Variants in IL18R1 observed in about 807,000 individuals in gnomAD.
IL18R1 encodes the protein interleukin 18 receptor 1.
A neutral mutation model predicts 48.5 loss-of-function variants in IL18R1; 40 were observed. That is an observed-to-expected ratio of 0.82 (90% CI 0.64 to 1.07). The LOEUF (loss-of-function observed/expected upper bound fraction) is 1.07, where lower values mean the gene tolerates loss of function less well. IL18R1 is among the 50% of genes least tolerant of loss of function. IL18R1 has a pLI of 0.00. For missense variants in IL18R1, 596 were observed against 633.7 expected (o/e 0.94, Z 0.64); for synonymous variants, 232 against 225.9 (o/e 1.03, Z -0.24).
rs542417063 is a variant in IL18R1 at position 102,377,410 on chromosome 2, G to A, written c.625+1347G>A. ...GCTCACTGCAAGCTCCGCCTCCTGG[G>A]TTCACACCATTCTCCTGCCTCAGCC... On this transcript the variant is annotated intron_variant, in intron 5 of 10. Transcript: ENST00000233957. Among the ~76,000 whole-genome samples, 7 of 152,304 alleles carry A rather than the reference G, an allele frequency of 4.6e-5. No individual in the cohort carries two copies. The East Asian group carries it at 1.4e-3, about 29-fold the overall frequency.
intron 7 of IL18R1, 70 bp from the exon 8 acceptor site, chr2:102,386,791 T>C (rs773829711): frequency 6.7e-7 from 1 of 1,499,502 alleles, no homozygotes; most frequent in Non-Finnish European, 9.2e-7. Flanking sequence ...TCAAGCATTT[T>C]AAACATGTGA....
At chr2:102,372,594 C>T (rs1247295551) in intron 4 of IL18R1, among the ~76,000 whole-genome samples, 1 of 109,162 alleles carries the variant, frequency 9.2e-6, no homozygotes, top group Non-Finnish European at 1.9e-5. Context: ...ATAAATCCAT[C>T]ACAGACTTTT....
intron 10 of IL18R1, 112 bp from the exon 11 acceptor site, chr2:102,396,419 C>T (rs937983804): frequency 1.6e-5 from 9 of 578,622 alleles, no homozygotes; most frequent in Non-Finnish European, 2.4e-5. Context: ...TAAAGAAAAA[C>T]TTATTAGTGA....
chr2:102,382,613 A>G (rs1162448078), intron 6 of IL18R1, among the ~76,000 whole-genome samples: 1 of 152,214 alleles, frequency 6.6e-6, no homozygotes, highest in African/African-American at 2.4e-5. Context: ...TATGAATTAA[A>G]TAATTGAAGT....
At chr2:102,375,392 G>T (rs534491074) in intron 4 of IL18R1, among the ~76,000 whole-genome samples, 2 of 152,096 alleles carry the variant, frequency 1.3e-5, no homozygotes, top group South Asian at 2.1e-4. Context: ...TAATCAGCTC[G>T]CTGGCTTCTG....
At position 102,398,236 on chromosome 2, in the gene IL18R1, C is replaced by T. The variant is rs1568681; in HGVS notation, c.*1350C>T. Reference sequence around the variant, plus strand: ...TGACGTTGGAAGACACATGTCTTACCCCCCAAAGGGAGCCCAGCACTGGGA... The same window carrying T: ...TGACGTTGGAAGACACATGTCTTACTCCCCAAAGGGAGCCCAGCACTGGGA... On this transcript the variant is annotated 3_prime_UTR_variant, in exon 11 of 11. Transcript: ENST00000233957. 0.77 allele frequency: 117,909 copies of T among 152,244 alleles called. 46,672 individuals are homozygous for T. Among genetic ancestry groups the T allele is most frequent in the African/African-American group, 0.89 (37,141 of 41,526 alleles). The allele number at this position is 152,244 out of a possible 1,614,324, so 9.4% of individuals were successfully genotyped here. A position where few individuals can be genotyped will look rare whatever the true frequency, so the allele number is the denominator to read the frequency against.
chr2:102,376,184 A>G (rs1331293285), intron 5 of IL18R1, 121 bp downstream of exon 5: 1 of 652,062 alleles, frequency 1.5e-6, no homozygotes, highest in Non-Finnish European at 2.4e-6. Context: ...CCACACCACT[A>G]GTTCAAATAT....
rs1333469236 is a variant in IL18R1 at position 102,390,122 on chromosome 2, T to C, written c.1016T>C (p.Val339Ala). ...ATGATCATAGCTGTTTTGATCTTGG[T>C]GGCAGTAGTGTGCCTAGTGACTGTG... The part of the protein sequence containing the change: ...RGMIIAVLIL[V>A]AVVCLVTVCV... The change falls in exon 9 of 11, where the codon GTG becomes GCG. Residue 339 changes from valine (V) to alanine (A), a missense_variant. Val to Ala is a moderately conservative substitution (Grantham distance 64). Around this residue, in one of 3 missense-constraint regions of IL18R1, gnomAD observed 57 missense variants for 88.2 expected, o/e 0.65. Transcript: ENST00000233957. 1.2e-6 allele frequency: 2 copies of C among 1,614,018 alleles called. No individual in the cohort carries two copies. The highest frequency in any genetic ancestry group is 1.7e-6 in the Non-Finnish European group (2 of 1,179,952).
intron 2 of IL18R1, among the ~76,000 whole-genome samples, chr2:102,365,711 G>C (rs1002755091): frequency 6.6e-6 from 1 of 152,150 alleles, no homozygotes. Flanking sequence ...GCAAACTTTT[G>C]CCTGGACATC....
At chr2:102,375,498 A>G (rs1679521567) in intron 4 of IL18R1, among the ~76,000 whole-genome samples, 1 of 152,224 alleles carries the variant, frequency 6.6e-6, no homozygotes, top group African/African-American at 2.4e-5. Context: ...TGCATAGTCC[A>G]GAATACACAA....
intron 5 of IL18R1, among the ~76,000 whole-genome samples, chr2:102,379,226 C>T (rs911473892): frequency 6.6e-6 from 1 of 152,082 alleles, no homozygotes; most frequent in Non-Finnish European, 1.5e-5. Context: ...GATGGATCAC[C>T]TGAGGCCAGG....
At chr2:102,370,440 G>T (rs1288132240) in intron 3 of IL18R1, among the ~76,000 whole-genome samples, 2 of 152,222 alleles carry the variant, frequency 1.3e-5, no homozygotes, top group African/African-American at 4.8e-5. Flanking sequence ...TGAGAAGAAG[G>T]TGCTGCCAAT....
At chr2:102,383,662 T>G (rs760503176) in intron 6 of IL18R1, among the ~76,000 whole-genome samples, 6 of 152,206 alleles carry the variant, frequency 3.9e-5, no homozygotes, top group Non-Finnish European at 7.4e-5. Context: ...CATTTTTTTT[T>G]GTTCTATACA....
chr2:102,372,347 T>C lies in IL18R1; in HGVS notation c.468+229T>C, dbSNP rs562692326. 8.7e-4 allele frequency among the ~76,000 whole-genome samples: 133 copies of C among 152,330 alleles called. 3 individuals carry two copies. In the South Asian group the frequency reaches 0.011, roughly 12 times the overall value. On this transcript the variant is annotated intron_variant, in intron 4 of 10. Transcript: ENST00000233957. The stretch of plus-strand genomic sequence containing the variant: ...TTCCCTGGATTTGGTGTTCAATAAA[T>C]GATCACAGTTTCTTCTCCCACACTC...
At chr2:102,371,467 AC>A (rs912575014) in intron 3 of IL18R1, among the ~76,000 whole-genome samples, 9 of 152,320 alleles carry the variant, frequency 5.9e-5, no homozygotes, top group Middle Eastern at 3.4e-3. Context: ...GGTTTATTCA[AC>A]AGTAAAAGAA....
intron 7 of IL18R1, 27 bp downstream of exon 7, chr2:102,385,025 G>T (rs1430311972): frequency 8.2e-7 from 1 of 1,221,100 alleles, no homozygotes; most frequent in Non-Finnish European, 1.2e-6. Flanking sequence ...TATATGTCAT[G>T]ATATATACCA....
Position 102,372,116 on chromosome 2 carries a change from A to C in IL18R1, c.466A>C (p.Lys156Gln), listed in dbSNP as rs1679302065. The part of the protein sequence containing the change: ...QTLVNSTSLY[K>Q]NCKKLLLENN... The stretch of plus-strand genomic sequence containing the variant: ...ACTGGTCAACAGCACATCATTGTAT[A>C]AGGTAATGCTTTTATAATATTTTAA... The change falls in exon 4 of 11, where the codon AAG (lysine) becomes CAG (glutamine). Residue 156 changes from lysine to glutamine, a missense_variant and splice_region_variant. Physicochemically the swap from Lys to Gln is moderately conservative, Grantham distance 53. Coordinates refer to ENST00000233957, the MANE Select transcript of IL18R1 (RefSeq NM_003855.5). 2 of 1,579,446 alleles carry C rather than the reference A, an allele frequency of 1.3e-6. No individual in the cohort carries two copies.
chr2:102,365,908 G>T (rs1393033631), intron 2 of IL18R1, among the ~76,000 whole-genome samples: 2 of 152,144 alleles, frequency 1.3e-5, no homozygotes, highest in Non-Finnish European at 2.9e-5. Context: ...AGGATGCAGG[G>T]CACCAAATCC....
At chr2:102,371,507 C>T (rs1679258045) in intron 3 of IL18R1, among the ~76,000 whole-genome samples, 1 of 152,150 alleles carries the variant, frequency 6.6e-6, no homozygotes, top group Non-Finnish European at 1.5e-5. Flanking sequence ...CCTTGAGAAA[C>T]AAAACCTAAT....
Sources: gnomAD v4.1 joint callset for allele counts (sites outside exome capture counted in the v4.1 genomes callset) on GRCh38, gnomAD v4.1.1 for gene constraint, gnomAD v4.1.1 regional missense constraint, MANE v1.5 for transcripts, NCBI Gene and HGNC (gene_info 2026-07-23, HGNC 2026-07-21) for gene names.